Variants in BCR observed in about 807,000 individuals in gnomAD.
BCR encodes breakpoint cluster region protein.
Under a neutral mutation model 138.6 loss-of-function variants are expected in BCR, and 58 were observed. The observed-to-expected ratio is 0.42, with a 90% CI of 0.34 to 0.52. The LOEUF is 0.52. BCR is among the 20% of genes least tolerant of loss of function. The probability of loss-of-function intolerance (pLI) is 0.06; values close to 1 mark genes in which losing one functional copy is unlikely to be tolerated. For synonymous variants in BCR, 786 were observed against 730.1 expected, an observed-to-expected ratio of 1.08 and a Z score of -1.23; for missense variants, 1,599 against 1,727.2, an observed-to-expected ratio of 0.93 and a Z score of 1.32.
intron 1 of BCR, chr22:23,198,495 A>T: frequency 3.4e-6 from 1 of 293,464 alleles, no homozygotes; most frequent in Non-Finnish European, 6.7e-6. Context: ...GGTCCAGTCC[A>T]TGGGCCTGAC....
rs907673652 is a variant in BCR, at chr22:23,268,108, G to A, written c.1753-300G>A. Among the ~76,000 whole-genome samples, 9 of 152,220 alleles carry A rather than the reference G, an allele frequency of 5.9e-5. 1 individual carries two copies. Among genetic ancestry groups the A allele is most frequent in the Non-Finnish European group, 1.2e-4 (8 of 68,038 alleles). ...CTGACAACCTCAAACTTCAGCTGCC[G>A]CTCATGGCACCATTTCAGCGAATGG... On this transcript the variant is annotated intron_variant, in intron 4 of 22. Coordinates refer to ENST00000305877, the MANE Select transcript of BCR (RefSeq NM_004327.4).
chr22:23,267,777 A>T (rs1453612188), intron 4 of BCR, among the ~76,000 whole-genome samples: 1 of 152,084 alleles, frequency 6.6e-6, no homozygotes, highest in African/African-American at 2.4e-5. Flanking sequence ...CAGTGAGGAG[A>T]TCTATTATTG....
At chr22:23,201,422 A>C (rs919244030) in intron 1 of BCR, among the ~76,000 whole-genome samples, 3 of 151,854 alleles carry the variant, frequency 2.0e-5, no homozygotes, top group African/African-American at 7.3e-5. Flanking sequence ...GTTCACACAC[A>C]GCTGTTTGCT....
At position 23,292,409 on chromosome 22, in the gene BCR, T is replaced by A. The variant is rs563529613; in HGVS notation, c.2783-132T>A. On this transcript the variant is annotated intron_variant, in intron 14 of 22. Coordinates refer to ENST00000305877, the MANE Select transcript of BCR (RefSeq NM_004327.4). ...AGACCACAATTAGGTGTTTAATTTT[T>A]AAAAAGAAAGTTACAACCTTTTTTT... 2.9e-5 allele frequency: 21 copies of A among 728,664 alleles called. No individual in the cohort carries two copies. The East Asian group carries it at 5.8e-4, about 20-fold the overall frequency. The allele number at this position is 728,664 out of a possible 1,614,324, so 45.1% of individuals were successfully genotyped here.
chr22:23,315,002 A>C (rs2074052809), intron 22 of BCR, among the ~76,000 whole-genome samples: 1 of 152,238 alleles, frequency 6.6e-6, no homozygotes, highest in Non-Finnish European at 1.5e-5. Flanking sequence ...AGGCAGGATA[A>C]CCAATCCCAG....
chr22:23,269,662 G>A (rs1325669533), intron 5 of BCR, among the ~76,000 whole-genome samples: 3 of 152,250 alleles, frequency 2.0e-5, no homozygotes, highest in South Asian at 2.1e-4. Context: ...GCATGTATCC[G>A]GGGCTCCAGC....
At chr22:23,289,093 C>A (rs565594081) in intron 12 of BCR, among the ~76,000 whole-genome samples, 1 of 152,202 alleles carries the variant, frequency 6.6e-6, no homozygotes, top group African/African-American at 2.4e-5. Flanking sequence ...GTTCCCTGTT[C>A]AGCATTATGC....
rs1376300306 is a variant in BCR at position 23,263,808 on chromosome 22, GC to G, written c.1752+2270del. 7 of 1,286,276 alleles carry G rather than the reference GC, an allele frequency of 5.4e-6. No homozygotes were observed. The Admixed American group carries it at 1.2e-4, about 22-fold the overall frequency. 79.7% of individuals were successfully genotyped at this position (1,286,276 alleles called of 1,614,324 possible). On this transcript the variant is annotated intron_variant, in intron 4 of 22. Coordinates refer to ENST00000305877, the MANE Select transcript of BCR (RefSeq NM_004327.4). ...CAGGACGGCCAAGGTGTGGCCTTTG[GC>G]CTCAGGCCAGCTGGGGTAGTGTTTA...
chr22:23,247,890 A>G (rs772355467), intron 1 of BCR, among the ~76,000 whole-genome samples: 3 of 152,190 alleles, frequency 2.0e-5, no homozygotes, highest in Non-Finnish European at 2.9e-5. Context: ...ATGTGTCAAA[A>G]TGTCCTTCCT....
rs1334429691 is a variant in BCR at position 23,264,034 on chromosome 22, T to C, written c.1752+2494T>C. 5 of 958,416 alleles carry C rather than the reference T, an allele frequency of 5.2e-6. No homozygotes were observed. In the East Asian group the frequency reaches 1.2e-4, roughly 23 times the overall value. 59.4% of individuals were successfully genotyped at this position (958,416 alleles called of 1,614,324 possible). A position where few individuals can be genotyped will look rare whatever the true frequency, so the allele number is the denominator to read the frequency against. On this transcript the variant is annotated intron_variant, in intron 4 of 22. Transcript: ENST00000305877. ...CTGGATGTCATATATGAGTCCCCTT[T>C]CGCACTGCTCTCCTGTGGCTATGAC... is the stretch of plus-strand genomic sequence containing the variant.
chr22:23,199,086 C>A, intron 1 of BCR: 1 of 316,384 alleles, frequency 3.2e-6, no homozygotes, highest in Non-Finnish European at 6.3e-6. Flanking sequence ...CACACCATTG[C>A]ACGCCAGCCA....
chr22:23,268,683 C>A (rs1423593832), intron 5 of BCR, among the ~76,000 whole-genome samples, 168 bp downstream of exon 5: 1 of 152,168 alleles, frequency 6.6e-6, no homozygotes, highest in Non-Finnish European at 1.5e-5. Context: ...TGCTGTTGTG[C>A]GCAGACCGAA....
intron 1 of BCR, among the ~76,000 whole-genome samples, chr22:23,217,265 A>T (rs1433931772): frequency 6.6e-6 from 1 of 152,140 alleles, no homozygotes; most frequent in African/African-American, 2.4e-5. Flanking sequence ...TATCCACTGG[A>T]CTCCTAGTTC....
intron 15 of BCR, among the ~76,000 whole-genome samples, chr22:23,293,326 C>G (rs376339116): frequency 6.6e-6 from 1 of 152,132 alleles, no homozygotes; most frequent in Non-Finnish European, 1.5e-5. Context: ...CCTGCTCCTG[C>G]GAAGGAGGAA....
chr22:23,290,565 G>A, intron 14 of BCR, 152 bp downstream of exon 14: 1 of 779,696 alleles, frequency 1.3e-6, no homozygotes, highest in East Asian at 2.5e-5. Context: ...GTTTGTGCTG[G>A]TTGATGCCTT....
chr22:23,190,903 T>C (rs2072404646), intron 1 of BCR, among the ~76,000 whole-genome samples: 1 of 152,228 alleles, frequency 6.6e-6, no homozygotes, highest in Non-Finnish European at 1.5e-5. Flanking sequence ...CGTTAGCTTC[T>C]TTAATTTTTT....
chr22:23,189,911 C>T (rs967815421), intron 1 of BCR, among the ~76,000 whole-genome samples: 3 of 152,200 alleles, frequency 2.0e-5, no homozygotes, highest in African/African-American at 4.8e-5. Context: ...GCCTTCACGC[C>T]CTTAGCTTTG....
chr22:23,195,780 C>T (rs1034530901), intron 1 of BCR, among the ~76,000 whole-genome samples: 2 of 150,728 alleles, frequency 1.3e-5, no homozygotes, highest in South Asian at 2.1e-4. Flanking sequence ...CCCAGCTACT[C>T]GGGAGGCTGA....
rs1378247799 is a variant in BCR, at chr22:23,292,636, G to A, written c.2878G>A (p.Glu960Lys). Residue 960 changes from glutamate to lysine, a missense_variant and splice_region_variant, in exon 15 of 23, where the codon GAG (glutamate) becomes AAG (lysine). This residue lies in a region of BCR where 590 missense variants were observed against 762.4 expected (regional missense o/e 0.77). Coordinates refer to ENST00000305877, the MANE Select transcript of BCR (RefSeq NM_004327.4). Reference protein sequence around the residue: ...YRDTAEPNWNEEFEIELEGSQ... With the variant: ...YRDTAEPNWNKEFEIELEGSQ... ...GGACACAGCTGAGCCAAACTGGAAC[G>A]AGGTGAGGAACTGATTCCACAAGGG... is the stretch of plus-strand genomic sequence containing the variant. The A allele has an allele frequency of 6.2e-7, 1 of 1,610,266 alleles. No homozygotes were observed. The highest frequency in any genetic ancestry group is 8.5e-7 in the Non-Finnish European group (1 of 1,177,418).
Sources: gnomAD v4.1 joint callset for allele counts (sites outside exome capture counted in the v4.1 genomes callset) on GRCh38, gnomAD v4.1.1 for gene constraint, gnomAD v4.1.1 regional missense constraint, MANE v1.5 for transcripts, NCBI Gene and HGNC (gene_info 2026-07-23, HGNC 2026-07-21) for gene names.